The following UGT1A7 variants were observed in gnomAD, a reference collection of about 807,000 sequenced individuals.
UGT1A7 encodes the protein UDP-glucuronosyltransferase 1A7.
A neutral mutation model predicts 45.6 loss-of-function variants in UGT1A7; 33 were observed. The observed-to-expected ratio is 0.72, with a 90% CI of 0.55 to 0.97. The LOEUF (loss-of-function observed/expected upper bound fraction) is 0.97, where lower values mean the gene tolerates loss of function less well. Ranked by LOEUF, UGT1A7 falls within the 50% of genes least tolerant of loss-of-function variation. The pLI is 0.00. For missense variants in UGT1A7, 684 were observed against 666.2 expected, an observed-to-expected ratio of 1.03 and a Z score of -0.29; for synonymous variants, 274 against 250.6, an observed-to-expected ratio of 1.09 and a Z score of -0.88.
At chr2:233,719,476 C>T (rs1220273239) in intron 1 of UGT1A7, 3 of 1,613,886 alleles carry the variant, frequency 1.9e-6, no homozygotes, top group African/African-American at 2.7e-5. Flanking sequence ...TACCCTCTGG[C>T]CCTGTCCTAC....
intron 1 of UGT1A7, among the ~76,000 whole-genome samples, chr2:233,687,730 C>G (rs879286075): frequency 1.1e-4 from 17 of 151,952 alleles, no homozygotes; most frequent in Non-Finnish European, 2.2e-4. Flanking sequence ...TAGGGAGACA[C>G]TGTCTCTACA....
chr2:233,699,215 A>G (rs569821092), intron 1 of UGT1A7, among the ~76,000 whole-genome samples: 4 of 152,258 alleles, frequency 2.6e-5, no homozygotes, highest in South Asian at 2.1e-4. Context: ...TGCATGAAAA[A>G]AAAACAAAAA....
chr2:233,770,944 A>T (rs905927558), intron 4 of UGT1A7: 3 of 152,138 alleles, frequency 2.0e-5, no homozygotes, highest in Non-Finnish European at 4.4e-5. Context: ...TGCCGGGGGA[A>T]CCTCAGGGAG....
intron 1 of UGT1A7, among the ~76,000 whole-genome samples, chr2:233,708,034 T>C (rs1391867324): frequency 2.6e-5 from 4 of 152,230 alleles, no homozygotes; most frequent in Non-Finnish European, 5.9e-5. Flanking sequence ...TTGGCAGTTA[T>C]AGATATTGCA....
intron 1 of UGT1A7, among the ~76,000 whole-genome samples, 180 bp from the exon 2 acceptor site, chr2:233,766,854 A>G (rs966764700): frequency 6.6e-6 from 1 of 152,226 alleles, no homozygotes. Flanking sequence ...CTCCTTTAGA[A>G]GGAAGTAAAG....
chr2:233,732,886 T>C lies in UGT1A7; in HGVS notation c.856-34148T>C, dbSNP rs572448291. On this transcript the variant is annotated intron_variant, in intron 1 of 4. Coordinates refer to ENST00000373426, the MANE Select transcript of UGT1A7 (RefSeq NM_019077.3). ...CTTGATGGGTTTGGCATTGAATCTATAAATTACCTTGGGCAGTATGGCCAT... is the reference window on the plus strand; with the variant it reads ...CTTGATGGGTTTGGCATTGAATCTACAAATTACCTTGGGCAGTATGGCCAT... Among the ~76,000 whole-genome samples, 466 of 152,210 alleles carry C rather than the reference T, an allele frequency of 3.1e-3. 4 individuals are homozygous for C. The highest frequency in any genetic ancestry group is 0.011 in the African/African-American group (443 of 41,520).
At chr2:233,690,467 C>T in intron 1 of UGT1A7, 1 of 1,289,274 alleles carries the variant, frequency 7.8e-7, no homozygotes, top group Non-Finnish European at 1.0e-6. Context: ...AGCTATCCTC[C>T]ATTTACTTTT....
chr2:233,689,931 G>A (rs762732486), intron 1 of UGT1A7: 1 of 456,630 alleles, frequency 2.2e-6, no homozygotes, highest in South Asian at 1.5e-5. Flanking sequence ...TCCTTCGAAA[G>A]AACCCAAGAT....
At chr2:233,734,119 A>AATAATC (rs2125784278) in intron 1 of UGT1A7, among the ~76,000 whole-genome samples, 1 of 152,144 alleles carries the variant, frequency 6.6e-6, no homozygotes, top group Non-Finnish European at 1.5e-5. Context: ...TAATAATAAT[A>AATAATC]ATAAAAAGAA....
chr2:233,754,783 A>T (rs1413536581), intron 1 of UGT1A7: 1 of 1,152,612 alleles, frequency 8.7e-7, no homozygotes, highest in Admixed American at 2.2e-5. Context: ...GAGCCAAAGG[A>T]ACGAAATCCT....
chr2:233,689,816 C>G (rs1484884597), intron 1 of UGT1A7: 2 of 441,390 alleles, frequency 4.5e-6, no homozygotes, highest in Non-Finnish European at 9.0e-6. Flanking sequence ...GGAAACCAAA[C>G]ATCTCTGGAC....
chr2:233,682,830 G>T, intron 1 of UGT1A7, 38 bp downstream of exon 1: 5 of 1,547,694 alleles, frequency 3.2e-6, no homozygotes, highest in South Asian at 1.3e-5. Context: ...AGAATAATCT[G>T]GCTTTGGAAA....
At chr2:233,746,988 A>C (rs1194642713) in intron 1 of UGT1A7, among the ~76,000 whole-genome samples, 1 of 151,882 alleles carries the variant, frequency 6.6e-6, no homozygotes, top group Non-Finnish European at 1.5e-5. Context: ...GCGCAGGGTC[A>C]GATGAGTTTT....
chr2:233,747,198 C>G, intron 1 of UGT1A7: 10 of 1,604,166 alleles, frequency 6.2e-6, no homozygotes, highest in South Asian at 1.1e-5. Context: ...GTCAGCTGTC[C>G]GTGTCTTCTG....
chr2:233,692,514 G>A (rs902529151), intron 1 of UGT1A7, among the ~76,000 whole-genome samples: 2 of 152,148 alleles, frequency 1.3e-5, no homozygotes, highest in Admixed American at 1.3e-4. Context: ...AACCTGTGGG[G>A]TCCGTGCTAA....
chr2:233,754,446 C>A, intron 1 of UGT1A7: 1 of 350,362 alleles, frequency 2.9e-6, no homozygotes, highest in Non-Finnish European at 5.6e-6. Context: ...TTTATAAATT[C>A]TTGGGTACAG....
At chr2:233,741,668 T>C (rs1315003933) in intron 1 of UGT1A7, 1 of 151,924 alleles carries the variant, frequency 6.6e-6, no homozygotes, top group African/African-American at 2.4e-5. Context: ...GTTCCTGCTG[T>C]TTATTGCTTG....
chr2:233,705,842 A>AAGTG lies in UGT1A7; in HGVS notation c.855+23051_855+23054dup, dbSNP rs2075874944. ...AGGCCGAGCACAGTGGCTGGAGCTG[A>AAGTG]AGTGGGAAGCTGAGGCAGGCAGATC... is the stretch of plus-strand genomic sequence containing the variant. On this transcript the variant is annotated intron_variant, in intron 1 of 4. Coordinates refer to ENST00000373426, the MANE Select transcript of UGT1A7 (RefSeq NM_019077.3). Among the ~76,000 whole-genome samples the AAGTG allele has an allele frequency of 2.6e-5, 4 of 152,238 alleles. No individual in the cohort carries two copies. In the South Asian group the frequency reaches 8.3e-4, roughly 32 times the overall value.
chr2:233,685,511 A>G (rs1382133056), intron 1 of UGT1A7, among the ~76,000 whole-genome samples: 1 of 152,220 alleles, frequency 6.6e-6, no homozygotes, highest in Admixed American at 6.5e-5. Context: ...GCAAGAAAAG[A>G]TCTATGCTTT....
Sources: gnomAD v4.1 joint callset for allele counts (sites outside exome capture counted in the v4.1 genomes callset) on GRCh38, gnomAD v4.1.1 for gene constraint, MANE v1.5 for transcripts, NCBI Gene and HGNC (gene_info 2026-07-23, HGNC 2026-07-21) for gene names.